Variants in LRFN5 observed in about 807,000 individuals in gnomAD.
LRFN5 encodes the protein leucine rich repeat and fibronectin type III domain containing 5.
A neutral mutation model predicts 45.6 loss-of-function variants in LRFN5; 24 were observed. That is an observed-to-expected ratio of 0.53 (90% confidence interval 0.38 to 0.74). The LOEUF (loss-of-function observed/expected upper bound fraction) is 0.74. Among genes scored for constraint, LRFN5 ranks in the 30% least tolerant of loss-of-function variants. LRFN5 has a pLI of 0.00. For synonymous variants in LRFN5, 340 were observed against 313.8 expected, an observed-to-expected ratio of 1.08 and a Z score of -0.88; for missense variants, 776 against 861.5, an observed-to-expected ratio of 0.90 and a Z score of 1.24.
chr14:41,755,158 A>AT (rs1353835463), intron 1 of LRFN5, among the ~76,000 whole-genome samples: 10 of 152,046 alleles, frequency 6.6e-5, no homozygotes, highest in African/African-American at 2.4e-4. Context: ...GTTCTTTTAC[A>AT]TTTGCTGAGG....
intron 2 of LRFN5, among the ~76,000 whole-genome samples, chr14:41,792,257 TG>T (rs1309145527): frequency 6.6e-6 from 1 of 152,044 alleles, no homozygotes; most frequent in Non-Finnish European, 1.5e-5. Context: ...AAAGATCACA[TG>T]CTTCTGAGGG....
At chr14:41,680,346 T>G (rs919555102) in intron 1 of LRFN5, among the ~76,000 whole-genome samples, 1 of 152,164 alleles carries the variant, frequency 6.6e-6, no homozygotes, top group Non-Finnish European at 1.5e-5. Flanking sequence ...TCTGACCCAG[T>G]GCATTCCTAA....
At chr14:41,610,478 T>A (rs189541470) in intron 1 of LRFN5, among the ~76,000 whole-genome samples, 1 of 151,644 alleles carries the variant, frequency 6.6e-6, no homozygotes, top group Admixed American at 6.6e-5. Context: ...TTGAAACACC[T>A]CTGTAAAGTC....
chr14:41,840,433 G>GGAAT (rs1486629681), intron 2 of LRFN5, among the ~76,000 whole-genome samples: 1 of 151,962 alleles, frequency 6.6e-6, no homozygotes, highest in Non-Finnish European at 1.5e-5. Context: ...ACAGTGCCAT[G>GGAAT]GAATGACTTC....
intron 3 of LRFN5, 55 bp downstream of exon 3, chr14:41,888,065 G>T: frequency 7.3e-7 from 1 of 1,369,896 alleles, no homozygotes. Context: ...TGTAGAATTT[G>T]TTAATGTACT....
At chr14:41,895,907 A>G (rs937009201) in intron 4 of LRFN5, among the ~76,000 whole-genome samples, 1 of 152,146 alleles carries the variant, frequency 6.6e-6, no homozygotes, top group African/African-American at 2.4e-5. Context: ...ACAAATTTAT[A>G]AACAATTAAA....
At chr14:41,710,625 T>G (rs530676201) in intron 1 of LRFN5, among the ~76,000 whole-genome samples, 96 of 152,194 alleles carry the variant, frequency 6.3e-4, no homozygotes, top group African/African-American at 2.1e-3. Context: ...TATTTTTAAA[T>G]TTTTTAAATT....
At chr14:41,779,416 C>A (rs181181164) in intron 2 of LRFN5, among the ~76,000 whole-genome samples, 6 of 151,878 alleles carry the variant, frequency 4.0e-5, no homozygotes, top group African/African-American at 1.4e-4. Context: ...TTAAAGAGAG[C>A]AGTTGGTCTA....
In LRFN5 at chr14:41,807,273, CT is replaced by C. The variant is rs565376988; in HGVS notation, c.-21+40253del. Among the ~76,000 whole-genome samples the C allele has an allele frequency of 1.5e-4, 22 of 151,036 alleles. No homozygotes were observed. The East Asian group carries it at 1.9e-3, about 13-fold the overall frequency. On this transcript the variant is annotated intron_variant, in intron 2 of 5. Transcript: ENST00000298119. ...ATTGCCAGTTAGTTTAAAAGTAAAA[CT>C]TTTTTTTTAGCTCAACATAATATGA... is the stretch of plus-strand genomic sequence containing the variant.
chr14:41,678,242 GCATA>G (rs547036818), intron 1 of LRFN5, among the ~76,000 whole-genome samples: 190 of 151,268 alleles, frequency 1.3e-3, no homozygotes, highest in African/African-American at 3.2e-3. Context: ...GAAGATACAT[GCATA>G]CATACATACA....
chr14:41,722,888 G>T (rs1209275958), intron 1 of LRFN5, among the ~76,000 whole-genome samples: 4 of 152,274 alleles, frequency 2.6e-5, no homozygotes, highest in Admixed American at 1.3e-4. Flanking sequence ...GCCAGGTTGG[G>T]CAGGTCCACC....
intron 1 of LRFN5, among the ~76,000 whole-genome samples, chr14:41,764,499 T>C (rs1207537920): frequency 2.6e-5 from 4 of 152,288 alleles, no homozygotes; most frequent in East Asian, 1.9e-4. Flanking sequence ...AATTATAATT[T>C]AGGTAGGAAT....
intron 2 of LRFN5, among the ~76,000 whole-genome samples, chr14:41,881,324 G>C (rs1390105421): frequency 6.6e-6 from 1 of 151,278 alleles, no homozygotes. Flanking sequence ...TAGAGTATAG[G>C]ATTTTTTCTT....
intron 2 of LRFN5, among the ~76,000 whole-genome samples, chr14:41,785,154 GT>G (rs1382821982): frequency 2.0e-5 from 3 of 151,984 alleles, no homozygotes; most frequent in African/African-American, 7.2e-5. Context: ...GCATTTTTGA[GT>G]TTAAAGTGTC....
intron 1 of LRFN5, among the ~76,000 whole-genome samples, chr14:41,704,442 C>CTGTGTGTGTGTGTGTGTG (rs1190054164): frequency 0.01 from 1,281 of 127,686 alleles, 33 homozygotes; most frequent in African/African-American, 0.043. Context: ...CTCTCTCTCT[C>CTGTGTGTGTGTGTGTGTG]TCTCTCTGTG....
chr14:41,886,894 T>C lies in LRFN5; in HGVS notation c.269T>C (p.Ile90Thr). The stretch of plus-strand genomic sequence containing the variant: ...CTATCCAGGAATACAATAAGTTTTA[T>C]TACACCTCATGCTTTCGCTGACCTA... ...LTLSRNTISF[I>T]TPHAFADLRN... The change falls in exon 3 of 6, where the codon ATT (isoleucine) becomes ACT (threonine). Residue 90 changes from isoleucine (I) to threonine (T), a missense_variant. Coordinates refer to ENST00000298119, the MANE Select transcript of LRFN5 (RefSeq NM_152447.5). The C allele has an allele frequency of 1.9e-6, 3 of 1,614,218 alleles. No individual in the cohort carries two copies. The highest frequency in any genetic ancestry group is 2.5e-6 in the Non-Finnish European group (3 of 1,180,034).
At chr14:41,747,918 C>T (rs1297436942) in intron 1 of LRFN5, among the ~76,000 whole-genome samples, 1 of 152,056 alleles carries the variant, frequency 6.6e-6, no homozygotes, top group African/African-American at 2.4e-5. Context: ...CTAGCATCAA[C>T]AGTTTTAGGA....
At chr14:41,894,635 G>C in intron 4 of LRFN5, 2 of 984,230 alleles carry the variant, frequency 2.0e-6, no homozygotes, top group Non-Finnish European at 2.4e-6. Flanking sequence ...ATTGCAGTGT[G>C]AAGTGACTGA....
chr14:41,854,429 G>A (rs1235877929), intron 2 of LRFN5, among the ~76,000 whole-genome samples: 4 of 151,932 alleles, frequency 2.6e-5, no homozygotes, highest in African/African-American at 9.7e-5. Flanking sequence ...GTTAACAGGT[G>A]CAGCACACCA....
Sources: allele counts gnomAD v4.1 joint callset (sites outside exome capture counted in the v4.1 genomes callset), GRCh38; gene constraint gnomAD v4.1.1; transcripts MANE v1.5; gene names NCBI Gene and HGNC (gene_info 2026-07-23, HGNC 2026-07-21).